Variants in CSF3R observed in about 807,000 individuals in gnomAD.
CSF3R encodes granulocyte colony-stimulating factor receptor.
Under a neutral mutation model 84.4 loss-of-function variants are expected in CSF3R, and 52 were observed. That is an observed-to-expected ratio of 0.62 (90% confidence interval 0.49 to 0.78). The LOEUF is 0.78. Among genes scored for constraint, CSF3R ranks in the 30% least tolerant of loss-of-function variants. CSF3R has a pLI of 0.00. For missense variants in CSF3R, 890 were observed against 1,055.7 expected (o/e 0.84, Z 2.17); for synonymous variants, 384 against 429.1 (o/e 0.89, Z 1.30).
rs373727880 is a variant in CSF3R, at chr1:36,468,094, G to A, written c.1704C>T (p.Asn568=). 3.7e-5 allele frequency: 59 copies of A among 1,614,248 alleles called. No individual in the cohort carries two copies. In the East Asian group the frequency reaches 4.0e-4, roughly 11 times the overall value. The change falls in exon 13 of 17, where the codon AAC becomes AAT. Residue 568 remains asparagine (N), a synonymous_variant. Coordinates refer to ENST00000373106, the MANE Select transcript of CSF3R (RefSeq NM_000760.4). ...ACTCACAGAAGGACTGGTTCTGAGC[G>A]TTGGTCCAGAAGATGGTGTAGTGGG... ...PLTHYTIFWT[N]AQNQSFSAIL...
intron 9 of CSF3R, 85 bp from the exon 10 acceptor site, chr1:36,471,731 T>G (rs1049604352): frequency 2.2e-5 from 30 of 1,385,520 alleles, no homozygotes; most frequent in Middle Eastern, 2.5e-4. Flanking sequence ...GGATGGATCA[T>G]ACAAACGGAG....
rs1251654616 is a variant in CSF3R at position 36,472,199 on chromosome 1, A to T, written c.997+39T>A. The T allele has an allele frequency of 6.2e-7, 1 of 1,613,946 alleles. No homozygotes were observed. Among genetic ancestry groups the T allele is most frequent in the Admixed American group, 1.7e-5 (1 of 60,024 alleles). ...GGGAGGGGCCTGGGGCCTGGACTGGATACTGTTGGCTGCTCCCAGCCTCTC... is the reference window on the plus strand; with the variant it reads ...GGGAGGGGCCTGGGGCCTGGACTGGTTACTGTTGGCTGCTCCCAGCCTCTC... On this transcript the variant is annotated intron_variant, in intron 8 of 16. Coordinates refer to ENST00000373106, the MANE Select transcript of CSF3R (RefSeq NM_000760.4). This position sits in a 1 kb window ranked among gnomAD's most constrained non-coding sequence, Gnocchi z 5.0.
intron 3 of CSF3R, chr1:36,479,023 C>T: frequency 2.9e-6 from 1 of 339,230 alleles, no homozygotes; most frequent in South Asian, 2.4e-5. Flanking sequence ...CTCTACCTCT[C>T]AAGACAGAGT....
At position 36,473,606 on chromosome 1, in the gene CSF3R, G is replaced by A. The variant is rs760685785; in HGVS notation, c.502C>T (p.Gln168Ter). ...LKSFKSRGNC[Q>*]TQGDSILDCV... ...TCCAGGATGGAGTCCCCTTGGGTCT[G>A]ACAGTTGCCCCGGCTCCTGCCAATA... Residue 168 changes from glutamine (Q) to a stop codon, truncating the protein, a stop_gained, in exon 6 of 17, where the codon CAG becomes TAG. Coordinates refer to ENST00000373106, the MANE Select transcript of CSF3R (RefSeq NM_000760.4). LOFTEE classifies it high-confidence loss of function. The A allele has an allele frequency of 6.2e-7, 1 of 1,614,062 alleles. No homozygotes were observed. Among genetic ancestry groups the A allele is most frequent in the Admixed American group, 1.7e-5 (1 of 60,030 alleles).
intron 12 of CSF3R, 70 bp downstream of exon 12, chr1:36,469,086 G>A: frequency 8.8e-7 from 1 of 1,132,094 alleles, no homozygotes; most frequent in Non-Finnish European, 1.3e-6. Flanking sequence ...ACTTCTGATT[G>A]CTGGGGACCA....
chr1:36,473,950 G>T (rs1570592079), intron 4 of CSF3R, 63 bp from the exon 5 acceptor site: 7 of 1,610,972 alleles, frequency 4.3e-6, no homozygotes. Context: ...CTTCCTCTGG[G>T]ACCAGCTGGC....
At chr1:36,470,520 G>A (rs1184504122) in intron 10 of CSF3R, among the ~76,000 whole-genome samples, 2 of 152,198 alleles carry the variant, frequency 1.3e-5, no homozygotes, top group East Asian at 3.8e-4. Context: ...TCCTCTAATA[G>A]TCATACCCAG....
chr1:36,478,276 C>A (rs1013296680), intron 3 of CSF3R, among the ~76,000 whole-genome samples: 1 of 151,978 alleles, frequency 6.6e-6, no homozygotes, highest in African/African-American at 2.4e-5. Flanking sequence ...TGCCTGTAAT[C>A]CCAGCACTTT....
In CSF3R at chr1:36,467,083, T is replaced by A. The variant is rs1650371701; in HGVS notation, c.2040+147A>T. ...GGCTTTGAGATGGACAGAGGTGGGA[T>A]TCAAAGTTGGGTCTGCTTCAGTCCA... On this transcript the variant is annotated intron_variant, in intron 16 of 16. Transcript: ENST00000373106. This position sits in a 1 kb window ranked among gnomAD's most constrained non-coding sequence, Gnocchi z 4.1. 8.1e-7 allele frequency: 1 copy of A among 1,237,944 alleles called. No homozygotes were observed. The highest frequency in any genetic ancestry group is 1.5e-5 in the African/African-American group (1 of 67,226). 76.7% of individuals were successfully genotyped at this position (1,237,944 alleles called of 1,614,324 possible).
intron 3 of CSF3R, 171 bp from the exon 4 acceptor site, chr1:36,475,844 G>C (rs371641833): frequency 1.6e-6 from 1 of 633,912 alleles, no homozygotes; most frequent in Admixed American, 3.0e-5. Context: ...GGCTACGGGG[G>C]TGACACAGAG....
At chr1:36,469,617 C>T (rs2124109109) in intron 11 of CSF3R, 35 bp downstream of exon 11, 1 of 1,612,542 alleles carries the variant, frequency 6.2e-7, no homozygotes, top group Non-Finnish European at 8.5e-7. Flanking sequence ...CTCCCTTTGT[C>T]CCTGGCCCTG....
In CSF3R at chr1:36,471,496, G is replaced by A. The variant is rs757826837; in HGVS notation, c.1222C>T (p.Leu408Phe). The A allele has an allele frequency of 1.9e-6, 3 of 1,614,222 alleles. No individual in the cohort carries two copies. The highest frequency in any genetic ancestry group is 2.5e-6 in the Non-Finnish European group (3 of 1,180,036). The change falls in exon 10 of 17, where the codon CTT becomes TTT. Residue 408 changes from leucine (L) to phenylalanine (F), a missense_variant. Coordinates refer to ENST00000373106, the MANE Select transcript of CSF3R (RefSeq NM_000760.4). ...HLPSEAQEVA[L>F]VAYNSAGTSR... The stretch of plus-strand genomic sequence containing the variant: ...GTCCCGGCTGAGTTATAGGCCACAA[G>A]GGCCACCTCCTGGGCTTCTGAAGGC...
At position 36,468,190 on chromosome 1, in the gene CSF3R, C is replaced by T. The variant is rs1196522809; in HGVS notation, c.1608G>A (p.Lys536=). The part of the protein sequence containing the change: ...APSHAPELHL[K]HIGKTWAQLE... ...GCTGTGCCCAGGTCTTGCCAATGTG[C>T]TTTAGATGCAGCTCTGGGGCATGGG... The change falls in exon 13 of 17, where the codon AAG becomes AAA. Residue 536 remains lysine (K), a synonymous_variant. Transcript: ENST00000373106. 2.5e-6 allele frequency: 4 copies of T among 1,606,920 alleles called. No individual in the cohort carries two copies. In the African/African-American group the frequency reaches 5.3e-5, roughly 21 times the overall value.
rs367774391 is a variant in CSF3R, at chr1:36,472,545, G to A, written c.815C>T (p.Pro272Leu). The A allele has an allele frequency of 5.0e-6, 8 of 1,614,072 alleles. No individual in the cohort carries two copies. The highest frequency in any genetic ancestry group is 3.3e-5 in the Admixed American group (2 of 60,002). Reference protein sequence around the residue: ...INQKCELRHKPQRGEASWALV... With the variant: ...INQKCELRHKLQRGEASWALV... ...TGCCCAGCTGGCTTCTCCACGCTGC[G>A]GCTTGTGGCGCAGCTCACACTTCTG... Residue 272 changes from proline to leucine, a missense_variant, in exon 7 of 17, where the codon CCG (proline) becomes CTG (leucine). By Grantham distance (98) the Pro-to-Leu change is moderately conservative. Coordinates refer to ENST00000373106, the MANE Select transcript of CSF3R (RefSeq NM_000760.4). The surrounding 1 kb of genome is among the most constrained non-coding windows in gnomAD (Gnocchi z 5.0).
intron 3 of CSF3R, among the ~76,000 whole-genome samples, chr1:36,478,040 G>C (rs1276851438): frequency 1.3e-5 from 2 of 152,166 alleles, no homozygotes; most frequent in South Asian, 4.2e-4. Flanking sequence ...TTACAGGCGT[G>C]AGCCACCGCG....
At position 36,471,424 on chromosome 1, in the gene CSF3R, C is replaced by T; in HGVS notation, c.1285+9G>A. 2 of 1,613,224 alleles carry T rather than the reference C, an allele frequency of 1.2e-6. No homozygotes were observed. Among genetic ancestry groups the T allele is most frequent in the African/African-American group, 2.7e-5 (2 of 75,050 alleles). ...CCTCTGTGCTCTTCTGGCTGCCAGC[C>T]CCCTTTACCTCTGCTTTCTGAGAAG... On this transcript the variant is annotated intron_variant, in intron 10 of 16. Transcript: ENST00000373106.
chr1:36,479,436 C>T lies in CSF3R; in HGVS notation c.61G>A (p.Gly21Arg), dbSNP rs200059719. 4.7e-5 allele frequency: 76 copies of T among 1,614,140 alleles called. No homozygotes were observed. The African/African-American group carries it at 6.0e-4, about 13-fold the overall frequency. Residue 21 changes from glycine to arginine, a missense_variant, in exon 3 of 17, where the codon GGA becomes AGA. Transcript: ENST00000373106. ...CCTCATCCTTGGCCATACTCACTTC[C>T]GGGGAGCAGCAGGATGATCAGGGCA... ...WAALIILLLP[G>R]SLEECGHISV...
chr1:36,471,958 TGCGTCCAC>T, intron 9 of CSF3R, 100 bp downstream of exon 9: 2 of 1,098,160 alleles, frequency 1.8e-6, no homozygotes, highest in Non-Finnish European at 2.7e-6. Context: ...CACATATAAA[TGCGTCCAC>T]GCCTCCCAGA....
rs1337334301 is a variant in CSF3R, at chr1:36,466,305, A to G, written c.*52T>C. On this transcript the variant is annotated 3_prime_UTR_variant, in exon 17 of 17. Coordinates refer to ENST00000373106, the MANE Select transcript of CSF3R (RefSeq NM_000760.4). This position sits in a 1 kb window ranked among gnomAD's most constrained non-coding sequence, Gnocchi z 4.6. ...GCTTATGGACCCTCCCCTCTTCTCCAGCTAGCTCAGGCCTTTAAGAGGCAG... is the reference window on the plus strand; with the variant it reads ...GCTTATGGACCCTCCCCTCTTCTCCGGCTAGCTCAGGCCTTTAAGAGGCAG... 1.9e-6 allele frequency: 3 copies of G among 1,611,668 alleles called. No individual in the cohort carries two copies. Among genetic ancestry groups the G allele is most frequent in the African/African-American group, 2.7e-5 (2 of 74,870 alleles).
Sources: gnomAD v4.1 joint callset for allele counts (sites outside exome capture counted in the v4.1 genomes callset) on GRCh38, gnomAD v4.1.1 for gene constraint, Gnocchi (gnomAD v3.1) non-coding constraint, MANE v1.5 for transcripts, NCBI Gene and HGNC (gene_info 2026-07-23, HGNC 2026-07-21) for gene names.